CDH13: variants seen among roughly 807,000 people sequenced by gnomAD.
CDH13 encodes cadherin-13.
A neutral mutation model predicts 63.8 loss-of-function variants in CDH13; 24 were observed. The ratio of observed to expected loss-of-function variants is 0.38; its 90% confidence interval spans 0.27 to 0.53. The LOEUF is 0.53. Among genes scored for constraint, CDH13 ranks in the 20% least tolerant of loss-of-function variants. The pLI, the probability that CDH13 is intolerant of heterozygous loss-of-function variation, is 0.85. For missense variants in CDH13, 1,049 were observed against 903.1 expected (o/e 1.16, Z -2.07); for synonymous variants, 503 against 355.3 (o/e 1.42, Z -4.67).
intron 6 of CDH13, among the ~76,000 whole-genome samples, chr16:83,454,814 C>T (rs1414680798): frequency 6.6e-6 from 1 of 152,048 alleles, no homozygotes; most frequent in Non-Finnish European, 1.5e-5. Context: ...TCCAGCAATT[C>T]TCTTGCCTCA....
chr16:82,888,852 T>C (rs1472422496), intron 2 of CDH13, among the ~76,000 whole-genome samples: 1 of 152,196 alleles, frequency 6.6e-6, no homozygotes, highest in African/African-American at 2.4e-5. Flanking sequence ...CTATAGTCTG[T>C]CTTGTGGCCG....
intron 3 of CDH13, among the ~76,000 whole-genome samples, chr16:83,113,434 T>A (rs1053834546): frequency 2.6e-5 from 4 of 152,252 alleles, no homozygotes; most frequent in Non-Finnish European, 4.4e-5. Context: ...ATTGCTTTAT[T>A]TAGTAATATT....
chr16:82,756,386 C>T (rs1038642064), intron 1 of CDH13, among the ~76,000 whole-genome samples: 9 of 152,074 alleles, frequency 5.9e-5, no homozygotes, highest in Non-Finnish European at 1.3e-4. Context: ...ATAATAATAG[C>T]CACCATTTGT....
At chr16:82,837,288 A>C (rs963186309) in intron 1 of CDH13, among the ~76,000 whole-genome samples, 7 of 152,116 alleles carry the variant, frequency 4.6e-5, no homozygotes, top group African/African-American at 1.4e-4. Context: ...GAGCTTGCCT[A>C]CCTCAGAGGC....
chr16:83,739,505 G>T (rs1285723628), intron 10 of CDH13, among the ~76,000 whole-genome samples: 1 of 152,016 alleles, frequency 6.6e-6, no homozygotes, highest in East Asian at 1.9e-4. Context: ...GCTGTGTTCT[G>T]TGGGCCTTCC....
intron 3 of CDH13, among the ~76,000 whole-genome samples, chr16:83,080,883 T>TTTTTTG (rs1567810635): frequency 2.2e-5 from 2 of 90,954 alleles, no homozygotes; most frequent in African/African-American, 3.6e-5. Context: ...TTTTTTTTTT[T>TTTTTTG]TTTTTTTTTT....
At chr16:83,426,509 T>TCACACACACACACACACA (rs10545707) in intron 6 of CDH13, among the ~76,000 whole-genome samples, 4 of 146,506 alleles carry the variant, frequency 2.7e-5, no homozygotes, top group Admixed American at 1.4e-4. Context: ...ATGGAAACAA[T>TCACACACACACACACACA]CACACACACA....
rs558085687 is a variant in CDH13 at position 83,500,151 on chromosome 16, C to T, written c.960+13496C>T. On this transcript the variant is annotated intron_variant, in intron 7 of 13. Coordinates refer to ENST00000567109, the MANE Select transcript of CDH13 (RefSeq NM_001257.5). ...AGCAGTTGTATCAGTGGTCGTAAGG[C>T]AAGAGAAAGGTTAGGATATAACACC... 3.4e-4 allele frequency among the ~76,000 whole-genome samples: 51 copies of T among 151,500 alleles called. No homozygotes were observed. The Middle Eastern group carries it at 0.01, about 30-fold the overall frequency.
At chr16:83,205,273 G>C (rs2039148796) in intron 4 of CDH13, among the ~76,000 whole-genome samples, 2 of 152,176 alleles carry the variant, frequency 1.3e-5, no homozygotes, top group South Asian at 4.1e-4. Flanking sequence ...AATTCAGAAA[G>C]AGACACTTAC....
At chr16:83,771,191 C>G (rs1320135794) in intron 11 of CDH13, among the ~76,000 whole-genome samples, 1 of 152,118 alleles carries the variant, frequency 6.6e-6, no homozygotes, top group Non-Finnish European at 1.5e-5. Flanking sequence ...AATCATATTA[C>G]CCTGCTTCTC....
At chr16:83,552,571 C>CT (rs1172623437) in intron 7 of CDH13, among the ~76,000 whole-genome samples, 1 of 152,156 alleles carries the variant, frequency 6.6e-6, no homozygotes, top group Non-Finnish European at 1.5e-5. Flanking sequence ...GTGCAAATTA[C>CT]TTTTTTTGCA....
chr16:83,689,065 A>C (rs1280931213), intron 10 of CDH13, among the ~76,000 whole-genome samples: 2 of 152,176 alleles, frequency 1.3e-5, no homozygotes, highest in East Asian at 3.8e-4. Flanking sequence ...TTACAAATCG[A>C]CCACCTTTTT....
chr16:82,937,005 A>G (rs721631), intron 2 of CDH13, among the ~76,000 whole-genome samples: 49,098 of 152,004 alleles, frequency 0.32, 9,690 homozygotes, highest in African/African-American at 0.56. Flanking sequence ...CACAACCAAA[A>G]CAAACCACAG....
intron 9 of CDH13, among the ~76,000 whole-genome samples, chr16:83,677,428 A>G (rs2098195844): frequency 2.0e-5 from 3 of 152,132 alleles, no homozygotes; most frequent in Non-Finnish European, 1.5e-5. Flanking sequence ...CCTTGAGTCT[A>G]GTATTGCTGT....
At chr16:83,111,660 A>T (rs1020669776) in intron 3 of CDH13, among the ~76,000 whole-genome samples, 2 of 152,190 alleles carry the variant, frequency 1.3e-5, no homozygotes, top group African/African-American at 4.8e-5. Flanking sequence ...GCACTCAGGC[A>T]TTGGATTGGA....
intron 7 of CDH13, among the ~76,000 whole-genome samples, chr16:83,596,997 A>C (rs1907324813): frequency 6.6e-6 from 1 of 152,110 alleles, no homozygotes; most frequent in Non-Finnish European, 1.5e-5. Flanking sequence ...CTGTGGTGGG[A>C]GGATCACTTG....
chr16:83,038,498 G>A (rs8053971), intron 3 of CDH13, among the ~76,000 whole-genome samples: 47,859 of 151,968 alleles, frequency 0.31, 7,918 homozygotes, highest in East Asian at 0.54. Flanking sequence ...TTAACCTTCC[G>A]TGCACAAAAG....
chr16:83,278,745 G>A (rs2089070992), intron 5 of CDH13, among the ~76,000 whole-genome samples: 1 of 152,316 alleles, frequency 6.6e-6, no homozygotes, highest in South Asian at 2.1e-4. Flanking sequence ...TATGTTAGAG[G>A]CTGGAGCAAA....
intron 1 of CDH13, among the ~76,000 whole-genome samples, chr16:82,663,413 G>A (rs949175747): frequency 3.3e-5 from 5 of 151,938 alleles, no homozygotes; most frequent in African/African-American, 7.3e-5. Context: ...TTGAACTCCC[G>A]ACCTCAGATA....
Sources: allele counts gnomAD v4.1 joint callset (sites outside exome capture counted in the v4.1 genomes callset), GRCh38; gene constraint gnomAD v4.1.1; transcripts MANE v1.5; gene names NCBI Gene and HGNC (gene_info 2026-07-23, HGNC 2026-07-21).